The following STRN3 variants were observed in gnomAD, a reference collection of about 807,000 sequenced individuals.
STRN3 encodes the protein striatin 3.
STRN3 carries 29 observed loss-of-function variants against 95.6 expected under a neutral mutation model. The observed-to-expected ratio is 0.30, with a 90% confidence interval of 0.23 to 0.41. The LOEUF (loss-of-function observed/expected upper bound fraction) is 0.41, where lower values mean the gene tolerates loss of function less well. Ranked by LOEUF, STRN3 falls within the 10% of genes least tolerant of loss-of-function variation. The pLI is 1.00. For synonymous variants in STRN3, 331 were observed against 357.6 expected (o/e 0.93, Z 0.84); for missense variants, 890 against 972.1 (o/e 0.92, Z 1.12).
In STRN3 at chr14:30,899,635, C is replaced by G. The variant is rs980737419; in HGVS notation, c.2137+2901G>C. 3.3e-5 allele frequency among the ~76,000 whole-genome samples: 5 copies of G among 152,096 alleles called. No individual in the cohort carries two copies. The South Asian group carries it at 1.0e-3, about 32-fold the overall frequency. On this transcript the variant is annotated intron_variant, in intron 16 of 17. Transcript: ENST00000357479. ...AAGTTTCCACCACTGCACCTCTGCT[C>G]AAAATATCCCCATACCTGTAACTTC...
chr14:31,017,448 G>A (rs929881948), intron 1 of STRN3, among the ~76,000 whole-genome samples: 7 of 151,296 alleles, frequency 4.6e-5, no homozygotes, highest in African/African-American at 1.7e-4. Context: ...GCAGTGAGCC[G>A]AGATCGCGCC....
At chr14:31,025,402 G>C (rs1883768811) in intron 1 of STRN3, 1 of 170,268 alleles carries the variant, frequency 5.9e-6, no homozygotes, top group Admixed American at 5.7e-5. Flanking sequence ...GCTGTCAAGG[G>C]GCAAGCGCGT....
chr14:30,915,036 A>C (rs888898833), intron 9 of STRN3, among the ~76,000 whole-genome samples: 1 of 152,258 alleles, frequency 6.6e-6, no homozygotes, highest in Non-Finnish European at 1.5e-5. Context: ...TTTTAACATT[A>C]AGATAACAAG....
At position 30,895,416 on chromosome 14, in the gene STRN3, C is replaced by T. The variant is rs774943710; in HGVS notation, c.2389G>A (p.Val797Ile). Residue 797 changes from valine (V) to isoleucine (I), a missense_variant, in exon 18 of 18, where the codon GTA (valine) becomes ATA (isoleucine). Transcript: ENST00000357479. ...CGATGCAAGTTTTTGTTGATTCATA[C>T]AAATACTTTGGCAAGAGCATCAGCT... ...AGADALAKVFV is the reference protein window; with the variant it reads ...AGADALAKVFI The T allele has an allele frequency of 2.0e-5, 32 of 1,601,726 alleles. No individual in the cohort carries two copies. The highest frequency in any genetic ancestry group is 1.9e-5 in the Non-Finnish European group (22 of 1,173,118).
chr14:31,018,777 G>A, intron 1 of STRN3: 1 of 468,508 alleles, frequency 2.1e-6, no homozygotes, highest in Non-Finnish European at 4.2e-6. Context: ...TAGCAAAGCA[G>A]AGAGAAGCTC....
rs545736269 is a variant in STRN3, at chr14:30,934,309, C to A, written c.988+854G>T. Among the ~76,000 whole-genome samples, 3 of 152,068 alleles carry A rather than the reference C, an allele frequency of 2.0e-5. No homozygotes were observed. The South Asian group carries it at 6.2e-4, about 32-fold the overall frequency. The stretch of plus-strand genomic sequence containing the variant: ...ACTGCATTGCAGCCTGGCGACAGAG[C>A]GAGACTCTGTCTCAAAAAATAATAA... On this transcript the variant is annotated intron_variant, in intron 7 of 17. Transcript: ENST00000357479.
At chr14:30,939,683 G>A (rs562483946) in intron 5 of STRN3, among the ~76,000 whole-genome samples, 8 of 152,246 alleles carry the variant, frequency 5.3e-5, no homozygotes, top group African/African-American at 1.4e-4. Context: ...TGAGTAACAA[G>A]AGAGTCCCCT....
At chr14:31,025,203 G>A (rs947357641) in intron 1 of STRN3, 2 of 152,326 alleles carry the variant, frequency 1.3e-5, no homozygotes, top group Non-Finnish European at 2.9e-5. Flanking sequence ...CTAGTGGAGA[G>A]TACTGTAAAA....
intron 15 of STRN3, among the ~76,000 whole-genome samples, chr14:30,904,961 T>TAAAAAAAAAAAAAAAAA: frequency 7.9e-6 from 1 of 126,064 alleles, no homozygotes. Flanking sequence ...TTTCGTCAAT[T>TAAAAAAAAAAAAAAAAA]AAAAAAAAAA....
At chr14:30,929,049 C>T in intron 8 of STRN3, 152 bp downstream of exon 8, 2 of 542,188 alleles carry the variant, frequency 3.7e-6, no homozygotes, top group Non-Finnish European at 6.3e-6. Context: ...AAATTATATA[C>T]AAACAAATTT....
chr14:30,900,776 T>C (rs965968221), intron 16 of STRN3, among the ~76,000 whole-genome samples: 8 of 151,860 alleles, frequency 5.3e-5, no homozygotes, highest in African/African-American at 1.9e-4. Flanking sequence ...TTTTTTTTTC[T>C]ATTATTTGGA....
At chr14:30,948,613 T>A (rs563800848) in intron 4 of STRN3, among the ~76,000 whole-genome samples, 76 of 152,154 alleles carry the variant, frequency 5.0e-4, no homozygotes, top group Middle Eastern at 3.4e-3. Context: ...ACAAAAAAGG[T>A]CTCTTGAATA....
chr14:30,929,087 T>C (rs1301713237), intron 8 of STRN3, 114 bp downstream of exon 8: 1 of 727,348 alleles, frequency 1.4e-6, no homozygotes, highest in Admixed American at 3.0e-5. Context: ...AAGTTTAAAG[T>C]TAGTTGCCCC....
intron 3 of STRN3, among the ~76,000 whole-genome samples, chr14:30,952,450 A>G (rs1015812509): frequency 3.9e-5 from 6 of 152,192 alleles, no homozygotes; most frequent in Non-Finnish European, 5.9e-5. Context: ...CTGCAATCCC[A>G]GCACTTTGGG....
chr14:30,958,215 A>C (rs930657664), intron 1 of STRN3, among the ~76,000 whole-genome samples: 2 of 152,304 alleles, frequency 1.3e-5, no homozygotes, highest in Admixed American at 6.5e-5. Flanking sequence ...TGGCAGGCTG[A>C]AGCAGGAGAA....
Position 30,911,130 on chromosome 14 carries a change from T to C in STRN3, c.1631A>G (p.Asn544Ser), listed in dbSNP as rs1896597379. The change falls in exon 13 of 18, where the codon AAT (asparagine) becomes AGT (serine). Residue 544 changes from asparagine (N) to serine (S), a missense_variant. Asn to Ser is a conservative substitution (Grantham distance 46). Transcript: ENST00000357479. Reference protein sequence around the residue: ...GPVLSLAISSNGEQCFSGGID... With the variant: ...GPVLSLAISSSGEQCFSGGID... ...ACCACCACTAAAACACTGTTCTCCATTAGAACTAATAGCTAATGACAGAAC... is the reference window on the plus strand; with the variant it reads ...ACCACCACTAAAACACTGTTCTCCACTAGAACTAATAGCTAATGACAGAAC... 1.9e-6 allele frequency: 3 copies of C among 1,614,010 alleles called. No homozygotes were observed. The highest frequency in any genetic ancestry group is 1.7e-6 in the Non-Finnish European group (2 of 1,179,982).
intron 1 of STRN3, among the ~76,000 whole-genome samples, chr14:31,001,371 A>T (rs1000426358): frequency 6.6e-6 from 1 of 151,984 alleles, no homozygotes; most frequent in Non-Finnish European, 1.5e-5. Flanking sequence ...CCATCTCTAC[A>T]AAAAAATTTA....
intron 13 of STRN3, 65 bp downstream of exon 13, chr14:30,910,976 T>C (rs908133620): frequency 3.2e-6 from 5 of 1,546,444 alleles, no homozygotes; most frequent in African/African-American, 2.8e-5. Flanking sequence ...GTAATCATAT[T>C]TGAGGTATTT....
At chr14:30,914,308 C>CTA (rs1448574226) in intron 9 of STRN3, among the ~76,000 whole-genome samples, 1 of 152,116 alleles carries the variant, frequency 6.6e-6, no homozygotes, top group African/African-American at 2.4e-5. Context: ...AGTTTCCTTT[C>CTA]TATAAAAGGT....
Sources: allele counts gnomAD v4.1 joint callset (sites outside exome capture counted in the v4.1 genomes callset), GRCh38; gene constraint gnomAD v4.1.1; transcripts MANE v1.5; gene names NCBI Gene and HGNC (gene_info 2026-07-23, HGNC 2026-07-21).